Variants in STK4 observed in about 807,000 individuals in gnomAD.
STK4 encodes serine/threonine-protein kinase 4.
A neutral mutation model predicts 64.9 loss-of-function variants in STK4; 30 were observed. The observed-to-expected ratio is 0.46, with a 90% CI of 0.35 to 0.63. The LOEUF is 0.63. Ranked by LOEUF, STK4 falls within the 20% of genes least tolerant of loss-of-function variation. STK4 has a pLI of 0.01. For synonymous variants in STK4, 177 were observed against 199.0 expected (o/e 0.89, Z 0.93); for missense variants, 466 against 598.5 (o/e 0.78, Z 2.31).
Position 44,978,516 on chromosome 20 carries a change from G to C in STK4, c.190G>C (p.Glu64Gln), listed in dbSNP as rs1422563116. Residue 64 changes from glutamate (E) to glutamine (Q), a missense_variant, in exon 3 of 11, where the codon GAA becomes CAA. Around this residue, in one of 2 missense-constraint regions of STK4, gnomAD observed 190 missense variants for 289.7 expected, o/e 0.66. Coordinates refer to ENST00000372806, the MANE Select transcript of STK4 (RefSeq NM_006282.5). Reference protein sequence around the residue: ...QIVAIKQVPVESDLQEIIKEI... With the variant: ...QIVAIKQVPVQSDLQEIIKEI... ...TGTTGCTATTAAGCAAGTTCCTGTGGAATCAGACCTCCAGGAGATAATCAA... is the reference window on the plus strand; with the variant it reads ...TGTTGCTATTAAGCAAGTTCCTGTGCAATCAGACCTCCAGGAGATAATCAA... The C allele has an allele frequency of 6.2e-7, 1 of 1,614,096 alleles. No individual in the cohort carries two copies. The highest frequency in any genetic ancestry group is 1.7e-5 in the Admixed American group (1 of 60,014).
chr20:44,981,959 A>C lies in STK4; in HGVS notation c.360+16A>C. On this transcript the variant is annotated intron_variant, in intron 4 of 10. Coordinates refer to ENST00000372806, the MANE Select transcript of STK4 (RefSeq NM_006282.5). ...AAATAAAACGGTAGGTTTACCTTCT[A>C]GAACATGCAACTGAGCTAGTTTCTT... is the stretch of plus-strand genomic sequence containing the variant. The C allele has an allele frequency of 6.4e-7, 1 of 1,559,694 alleles. No individual in the cohort carries two copies.
At chr20:45,009,615 G>A (rs2068010056) in intron 9 of STK4, among the ~76,000 whole-genome samples, 1 of 152,138 alleles carries the variant, frequency 6.6e-6, no homozygotes, top group East Asian at 1.9e-4. Flanking sequence ...TCTGTAAATT[G>A]CTTCGGAGAG....
At chr20:45,011,729 A>ATATATATATATATATATATATAT (rs60170856) in intron 9 of STK4, among the ~76,000 whole-genome samples, 3 of 115,388 alleles carry the variant, frequency 2.6e-5, no homozygotes, top group African/African-American at 3.6e-5. Context: ...ATATATATAT[A>ATATATATATATATATATATATAT]TTTTTTTTTT....
At chr20:44,980,586 T>C (rs2067419159) in intron 3 of STK4, among the ~76,000 whole-genome samples, 1 of 152,280 alleles carries the variant, frequency 6.6e-6, no homozygotes, top group Non-Finnish European at 1.5e-5. Context: ...TGTGTATGTT[T>C]TTATTACAAA....
chr20:45,005,431 G>C (rs2067920779), intron 9 of STK4, among the ~76,000 whole-genome samples: 1 of 151,862 alleles, frequency 6.6e-6, no homozygotes, highest in Admixed American at 6.6e-5. Context: ...GGATCACGAG[G>C]TCAGGAGATC....
At chr20:44,974,988 C>T (rs954773409) in intron 2 of STK4, 2 of 152,178 alleles carry the variant, frequency 1.3e-5, no homozygotes, top group East Asian at 3.8e-4. Context: ...GAGCCTAGCA[C>T]CTTTTTTCTT....
chr20:45,009,987 ACTT>A (rs372480441), intron 9 of STK4, among the ~76,000 whole-genome samples: 21 of 151,374 alleles, frequency 1.4e-4, no homozygotes, highest in African/African-American at 3.9e-4. Context: ...AGATAGTTTG[ACTT>A]CTTCTTTTCC....
In STK4 at chr20:44,997,326, G is replaced by A. The variant is rs995156315; in HGVS notation, c.831+20G>A. 1 of 1,570,838 alleles carries A rather than the reference G, an allele frequency of 6.4e-7. No individual in the cohort carries two copies. Among genetic ancestry groups the A allele is most frequent in the Non-Finnish European group, 8.6e-7 (1 of 1,162,568 alleles). On this transcript the variant is annotated intron_variant, in intron 7 of 10. Transcript: ENST00000372806. ...CTGCAGGTATGAATCACCCTGTGAT[G>A]CCATCTCGCTCCATTTCATTTACTT...
At chr20:44,982,015 A>C (rs759134470) in intron 4 of STK4, 72 bp downstream of exon 4, 1 of 1,004,244 alleles carries the variant, frequency 1.0e-6, no homozygotes, top group Non-Finnish European at 1.6e-6. Context: ...CCTCTTTTTC[A>C]GGGCATTCTC....
chr20:44,995,159 A>T lies in STK4; in HGVS notation c.595A>T (p.Ile199Phe). Reference sequence around the variant, plus strand: ...GATGGCTCCAGAAGTGATTCAGGAAATTGGATACAACTGTGTAGCAGACAT... The same window carrying T: ...GATGGCTCCAGAAGTGATTCAGGAATTTGGATACAACTGTGTAGCAGACAT... The part of the protein sequence containing the change: ...FWMAPEVIQE[I>F]GYNCVADIWS... The change falls in exon 6 of 11, where the codon ATT becomes TTT. Residue 199 changes from isoleucine to phenylalanine, a missense_variant. Ile to Phe is a conservative substitution (Grantham distance 21, BLOSUM62 0). Transcript: ENST00000372806. 1 of 1,614,030 alleles carries T rather than the reference A, an allele frequency of 6.2e-7. No individual in the cohort carries two copies. Among genetic ancestry groups the T allele is most frequent in the Non-Finnish European group, 8.5e-7 (1 of 1,179,962 alleles).
At chr20:45,051,981 G>A (rs1308334275) in intron 10 of STK4, among the ~76,000 whole-genome samples, 10 of 152,118 alleles carry the variant, frequency 6.6e-5, no homozygotes, top group Admixed American at 4.6e-4. Flanking sequence ...TGCAGGTTGC[G>A]TAATCCCAAA....
At chr20:45,001,641 A>T (rs1163155243) in intron 9 of STK4, among the ~76,000 whole-genome samples, 1 of 152,158 alleles carries the variant, frequency 6.6e-6, no homozygotes, top group Non-Finnish European at 1.5e-5. Flanking sequence ...CCTTACCTTG[A>T]TCTTTGGAGG....
At chr20:45,048,788 T>C (rs1035285140) in intron 10 of STK4, among the ~76,000 whole-genome samples, 1 of 152,120 alleles carries the variant, frequency 6.6e-6, no homozygotes, top group African/African-American at 2.4e-5. Flanking sequence ...AGCCATGATA[T>C]TTATTTTATA....
Position 45,078,562 on chromosome 20 carries a change from C to T in STK4, c.*3386C>T, listed in dbSNP as rs1980693529. 6.6e-6 allele frequency: 1 copy of T among 150,640 alleles called. No homozygotes were observed. The highest frequency in any genetic ancestry group is 6.6e-5 in the Admixed American group (1 of 15,168). 9.3% of individuals were successfully genotyped at this position (150,640 alleles called of 1,614,324 possible). ...TTGCTCCATCAGTAATTTTGAAGCA[C>T]TTTCCTTTTTTTTTTTTTTTCCCCT... is the stretch of plus-strand genomic sequence containing the variant. On this transcript the variant is annotated 3_prime_UTR_variant, in exon 11 of 11. Coordinates refer to ENST00000372806, the MANE Select transcript of STK4 (RefSeq NM_006282.5).
intron 10 of STK4, among the ~76,000 whole-genome samples, chr20:45,061,344 G>T (rs767492646): frequency 1.1e-4 from 16 of 152,044 alleles, no homozygotes; most frequent in Non-Finnish European, 4.4e-5. Context: ...CACAACCACC[G>T]AATATTAAAT....
intron 9 of STK4, among the ~76,000 whole-genome samples, chr20:45,014,620 T>G (rs752720750): frequency 6.6e-5 from 10 of 152,174 alleles, no homozygotes; most frequent in Admixed American, 3.3e-4. Context: ...ACTTGTAGTT[T>G]AGCAGTTAAA....
chr20:44,986,806 A>G (rs1469658158), intron 4 of STK4, among the ~76,000 whole-genome samples: 1 of 152,194 alleles, frequency 6.6e-6, no homozygotes, highest in Non-Finnish European at 1.5e-5. Context: ...TGAGAGAGGG[A>G]GGACTGTGGG....
At chr20:44,967,604 C>A (rs2067173805) in intron 1 of STK4, among the ~76,000 whole-genome samples, 1 of 152,216 alleles carries the variant, frequency 6.6e-6, no homozygotes, top group African/African-American at 2.4e-5. Flanking sequence ...GTGGTTACTT[C>A]TATTTCACAG....
chr20:45,057,104 C>T (rs1978548463), intron 10 of STK4, among the ~76,000 whole-genome samples: 1 of 152,210 alleles, frequency 6.6e-6, no homozygotes, highest in Non-Finnish European at 1.5e-5. Flanking sequence ...GTGGCCATGT[C>T]AGCTGAGCTC....
Sources: allele counts gnomAD v4.1 joint callset (sites outside exome capture counted in the v4.1 genomes callset), GRCh38; gene constraint gnomAD v4.1.1; regional missense constraint gnomAD v4.1.1; transcripts MANE v1.5; gene names NCBI Gene and HGNC (gene_info 2026-07-23, HGNC 2026-07-21).